BMPR1B: variants seen among roughly 807,000 people sequenced by gnomAD.
BMPR1B encodes bone morphogenetic protein receptor type 1B, also known as bone morphogenetic protein receptor type-1B.
Under a neutral mutation model 59.1 loss-of-function variants are expected in BMPR1B, and 12 were observed. That is an observed-to-expected ratio of 0.20 (90% CI 0.13 to 0.33). The LOEUF (loss-of-function observed/expected upper bound fraction) is 0.33, where lower values mean the gene tolerates loss of function less well. Ranked by LOEUF, BMPR1B falls within the 10% of genes least tolerant of loss-of-function variation. The probability of loss-of-function intolerance (pLI) is 1.00; values close to 1 mark genes in which losing one functional copy is unlikely to be tolerated. For synonymous variants in BMPR1B, 237 were observed against 207.3 expected (o/e 1.14, Z -1.23); for missense variants, 550 against 610.9 (o/e 0.90, Z 1.05).
rs148010190 is a variant in BMPR1B at position 94,907,421 on chromosome 4, G to C, written c.-113+31521G>C. 1.8e-4 allele frequency among the ~76,000 whole-genome samples: 28 copies of C among 152,008 alleles called. 1 individual carries two copies. In the South Asian group the frequency reaches 2.9e-3, roughly 16 times the overall value. On this transcript the variant is annotated intron_variant, in intron 2 of 12. Transcript: ENST00000515059. ...TTCATTAAACAGGCAATATTTATTT[G>C]GTTGTCTGTTCTATGTTAGGAGCTT...
intron 10 of BMPR1B, among the ~76,000 whole-genome samples, chr4:95,132,328 A>G (rs1267191666): frequency 1.3e-5 from 2 of 152,190 alleles, no homozygotes; most frequent in African/African-American, 4.8e-5. Flanking sequence ...AAGACTCTGT[A>G]ATACATGGAG....
At chr4:94,816,290 G>A (rs1724008289) in intron 1 of BMPR1B, among the ~76,000 whole-genome samples, 1 of 152,140 alleles carries the variant, frequency 6.6e-6, no homozygotes, top group South Asian at 2.1e-4. Context: ...GGGACTGCAG[G>A]TGCACGCCAC....
chr4:95,058,248 T>G (rs1367150909), intron 3 of BMPR1B, among the ~76,000 whole-genome samples: 1 of 152,200 alleles, frequency 6.6e-6, no homozygotes, highest in Non-Finnish European at 1.5e-5. Context: ...GGGAACTTAA[T>G]GTCTGAAACT....
chr4:95,024,579 C>G (rs1724218322), intron 3 of BMPR1B, among the ~76,000 whole-genome samples: 1 of 152,108 alleles, frequency 6.6e-6, no homozygotes, highest in Admixed American at 6.6e-5. Flanking sequence ...GTTTACTTCA[C>G]CAGTTTCCTA....
intron 1 of BMPR1B, among the ~76,000 whole-genome samples, chr4:94,771,618 A>G (rs1321181328): frequency 6.6e-6 from 1 of 152,218 alleles, no homozygotes; most frequent in Admixed American, 6.5e-5. Flanking sequence ...ATATATTTTG[A>G]ACTTTAAATG....
intron 1 of BMPR1B, among the ~76,000 whole-genome samples, chr4:94,867,639 A>G (rs1043156379): frequency 1.3e-5 from 2 of 151,916 alleles, no homozygotes; most frequent in Non-Finnish European, 2.9e-5. Context: ...TTTTCACTTC[A>G]TTTCACCTAA....
At chr4:95,080,006 G>A (rs1247272508) in intron 3 of BMPR1B, among the ~76,000 whole-genome samples, 2 of 152,110 alleles carry the variant, frequency 1.3e-5, no homozygotes, top group Admixed American at 1.3e-4. Context: ...TCTAAGAGGT[G>A]CTAGGTTAAA....
At chr4:94,826,236 G>C (rs939178322) in intron 1 of BMPR1B, among the ~76,000 whole-genome samples, 1 of 152,150 alleles carries the variant, frequency 6.6e-6, no homozygotes, top group African/African-American at 2.4e-5. Context: ...TTGAGCCTTC[G>C]GCTGTGGTCT....
At chr4:94,933,304 C>T (rs925783261) in intron 2 of BMPR1B, among the ~76,000 whole-genome samples, 3 of 151,874 alleles carry the variant, frequency 2.0e-5, no homozygotes, top group Non-Finnish European at 2.9e-5. Flanking sequence ...TTAACTTTTT[C>T]CTTATTGTTG....
intron 3 of BMPR1B, among the ~76,000 whole-genome samples, chr4:95,028,264 T>G (rs1295715731): frequency 6.6e-6 from 1 of 152,182 alleles, no homozygotes; most frequent in Non-Finnish European, 1.5e-5. Flanking sequence ...TATAAAGGTT[T>G]AAAAGAAACT....
chr4:94,802,178 T>G (rs1156446689), intron 1 of BMPR1B, among the ~76,000 whole-genome samples: 1 of 152,202 alleles, frequency 6.6e-6, no homozygotes, highest in Non-Finnish European at 1.5e-5. Flanking sequence ...TGGCATTTAC[T>G]GGGTGTTTGA....
intron 1 of BMPR1B, among the ~76,000 whole-genome samples, chr4:94,864,576 T>C (rs1340246987): frequency 1.3e-5 from 2 of 152,200 alleles, no homozygotes; most frequent in Non-Finnish European, 2.9e-5. Context: ...AAGGGCCAAG[T>C]ACTTATTAAA....
intron 1 of BMPR1B, among the ~76,000 whole-genome samples, chr4:94,779,334 G>A (rs1722503659): frequency 6.6e-6 from 1 of 151,996 alleles, no homozygotes; most frequent in African/African-American, 2.4e-5. Flanking sequence ...ACACATATGA[G>A]GGCCTGTTTC....
At chr4:94,944,408 A>G (rs1412495280) in intron 2 of BMPR1B, among the ~76,000 whole-genome samples, 1 of 152,206 alleles carries the variant, frequency 6.6e-6, no homozygotes, top group Non-Finnish European at 1.5e-5. Context: ...TTAACATTAC[A>G]TGCCATAGTT....
At chr4:94,764,424 C>G (rs376069912) in intron 1 of BMPR1B, among the ~76,000 whole-genome samples, 1 of 152,162 alleles carries the variant, frequency 6.6e-6, no homozygotes, top group African/African-American at 2.4e-5. Context: ...CTGGTAATCT[C>G]GAATAACTTC....
chr4:94,934,511 A>G (rs1729215782), intron 2 of BMPR1B, among the ~76,000 whole-genome samples: 2 of 149,184 alleles, frequency 1.3e-5, no homozygotes, highest in Non-Finnish European at 3.0e-5. Context: ...AACAAATGGC[A>G]GCATAGTTAA....
At chr4:94,773,128 G>C (rs1046107170) in intron 1 of BMPR1B, among the ~76,000 whole-genome samples, 1 of 151,790 alleles carries the variant, frequency 6.6e-6, no homozygotes, top group African/African-American at 2.4e-5. Context: ...TCTCTTTTTC[G>C]GAAGAGGAAG....
At chr4:95,094,259 A>G (rs1447866320) in intron 3 of BMPR1B, among the ~76,000 whole-genome samples, 1 of 152,078 alleles carries the variant, frequency 6.6e-6, no homozygotes, top group Non-Finnish European at 1.5e-5. Flanking sequence ...TATTTTAGTC[A>G]TCCTTGAACA....
intron 2 of BMPR1B, among the ~76,000 whole-genome samples, chr4:94,970,583 G>A (rs1431227303): frequency 6.6e-6 from 1 of 152,116 alleles, no homozygotes; most frequent in Non-Finnish European, 1.5e-5. Flanking sequence ...AAAGTACTGG[G>A]ATTACAGGCA....
Sources: gnomAD v4.1 joint callset for allele counts (sites outside exome capture counted in the v4.1 genomes callset) on GRCh38, gnomAD v4.1.1 for gene constraint, MANE v1.5 for transcripts, NCBI Gene and HGNC (gene_info 2026-07-23, HGNC 2026-07-21) for gene names.